The following ADGRV1 variants were observed in gnomAD, a reference collection of about 807,000 sequenced individuals.
ADGRV1 encodes the protein adhesion G protein-coupled receptor V1.
Under a neutral mutation model 596.2 loss-of-function variants are expected in ADGRV1, and 359 were observed. The ratio of observed to expected loss-of-function variants is 0.60; its 90% confidence interval spans 0.55 to 0.66. The LOEUF is 0.66. ADGRV1 is among the 30% of genes least tolerant of loss of function. ADGRV1 has a pLI of 0.00. For synonymous variants in ADGRV1, 2,681 were observed against 2,679.2 expected (o/e 1.00, Z -0.02); for missense variants, 7,274 against 7,575.6 (o/e 0.96, Z 1.48).
intron 83 of ADGRV1, among the ~76,000 whole-genome samples, chr5:90,874,552 T>C (rs1251815745): frequency 6.6e-6 from 1 of 151,996 alleles, no homozygotes; most frequent in Non-Finnish European, 1.5e-5. Context: ...TGGCTCATAC[T>C]AGATTTTCAA....
At chr5:90,946,778 C>T (rs755740421) in intron 83 of ADGRV1, among the ~76,000 whole-genome samples, 18 of 151,968 alleles carry the variant, frequency 1.2e-4, no homozygotes, top group East Asian at 1.9e-4. Context: ...TCCATGTCCC[C>T]GAAAAGGACA....
intron 87 of ADGRV1, among the ~76,000 whole-genome samples, chr5:91,121,695 T>C (rs1313974182): frequency 6.6e-6 from 1 of 152,126 alleles, no homozygotes; most frequent in Non-Finnish European, 1.5e-5. Flanking sequence ...TTCCTTTTTA[T>C]AATGGATTTT....
At chr5:91,126,369 A>G (rs1219876020) in intron 87 of ADGRV1, among the ~76,000 whole-genome samples, 1 of 152,252 alleles carries the variant, frequency 6.6e-6, no homozygotes, top group African/African-American at 2.4e-5. Context: ...TTCTACCAAA[A>G]CAATGTTTAC....
rs370645005 is a variant in ADGRV1, at chr5:90,998,621, G to A, written c.18152+13099G>A. ...TATATAGGTATCTTTGTACACTTAT[G>A]TTAATATTTTTATAGGGAAAATTTC... On this transcript the variant is annotated intron_variant, in intron 85 of 89. Transcript: ENST00000405460. Among the ~76,000 whole-genome samples the A allele has an allele frequency of 2.6e-4, 40 of 152,016 alleles. No homozygotes were observed. In the South Asian group the frequency reaches 4.1e-3, roughly 16 times the overall value.
intron 89 of ADGRV1, 63 bp from the exon 90 acceptor site, chr5:91,163,719 G>T: frequency 1.5e-6 from 1 of 658,870 alleles, no homozygotes; most frequent in South Asian, 2.0e-5. Context: ...AATGTAAATT[G>T]ATTCTTAAGA....
At chr5:91,142,423 G>A (rs1213143878) in intron 87 of ADGRV1, among the ~76,000 whole-genome samples, 2 of 152,148 alleles carry the variant, frequency 1.3e-5, no homozygotes, top group South Asian at 2.1e-4. Flanking sequence ...TCATTCCTCT[G>A]AGTCCCTCAT....
At position 90,626,642 on chromosome 5, in the gene ADGRV1, AAC is replaced by A. The variant is rs1407257603; in HGVS notation, c.673-567_673-566del. ...AAATGAAAAGCAAAAATTGCACTTTAACAGTGTCAGCATTTTTCCTAGTAGTG... is the reference window on the plus strand; with the variant it reads ...AAATGAAAAGCAAAAATTGCACTTTAAGTGTCAGCATTTTTCCTAGTAGTG... On this transcript the variant is annotated intron_variant, in intron 6 of 89. Transcript: ENST00000405460. 3 of 152,230 alleles carry A rather than the reference AAC, an allele frequency of 2.0e-5. No individual in the cohort carries two copies. In the East Asian group the frequency reaches 5.8e-4, roughly 29 times the overall value. 9.4% of individuals were successfully genotyped at this position (152,230 alleles called of 1,614,324 possible). A position where few individuals can be genotyped will look rare whatever the true frequency, so the allele number is the denominator to read the frequency against.
At chr5:90,660,862 T>C (rs185899262) in intron 21 of ADGRV1, among the ~76,000 whole-genome samples, 15 of 152,304 alleles carry the variant, frequency 9.8e-5, no homozygotes, top group Admixed American at 9.2e-4. Flanking sequence ...ATATGTAGAC[T>C]CTGACATAGC....
Position 90,791,353 on chromosome 5 carries a change from G to A in ADGRV1, c.14517+7G>A. 1.3e-6 allele frequency: 2 copies of A among 1,534,952 alleles called. No homozygotes were observed. Among genetic ancestry groups the A allele is most frequent in the African/African-American group, 2.7e-5 (2 of 72,974 alleles). ...GGTGCCAATAAAGAATCAGGTTTGTGGCATTTCTTCAGTTTCCTGATCATT... is the reference window on the plus strand; with the variant it reads ...GGTGCCAATAAAGAATCAGGTTTGTAGCATTTCTTCAGTTTCCTGATCATT... On this transcript the variant is annotated splice_region_variant and intron_variant, in intron 70 of 89. Coordinates refer to ENST00000405460, the MANE Select transcript of ADGRV1 (RefSeq NM_032119.4).
At chr5:90,802,052 C>T (rs1353846774) in intron 70 of ADGRV1, among the ~76,000 whole-genome samples, 1 of 152,104 alleles carries the variant, frequency 6.6e-6, no homozygotes, top group Non-Finnish European at 1.5e-5. Flanking sequence ...GTGAGTTTTG[C>T]CAAGTTTATA....
intron 60 of ADGRV1, among the ~76,000 whole-genome samples, chr5:90,774,573 A>C (rs1024011879): frequency 6.6e-6 from 1 of 152,156 alleles, no homozygotes; most frequent in African/African-American, 2.4e-5. Context: ...GTGTTTATAA[A>C]ATGTAAAATA....
At chr5:90,587,705 G>A (rs1235449838) in intron 1 of ADGRV1, among the ~76,000 whole-genome samples, 11 of 151,692 alleles carry the variant, frequency 7.3e-5, no homozygotes, top group Admixed American at 4.6e-4. Flanking sequence ...CTACAGGTGC[G>A]CGCCACCATG....
intron 1 of ADGRV1, among the ~76,000 whole-genome samples, chr5:90,614,067 T>A (rs1265524299): frequency 6.6e-6 from 1 of 151,284 alleles, no homozygotes; most frequent in East Asian, 1.9e-4. Context: ...AGGAGACCAC[T>A]GCACTGTTGT....
intron 2 of ADGRV1, among the ~76,000 whole-genome samples, chr5:90,615,913 C>T (rs1192951867): frequency 6.6e-6 from 1 of 151,818 alleles, no homozygotes; most frequent in East Asian, 1.9e-4. Flanking sequence ...TCTTCCTTTT[C>T]ATTGTGGTTG....
At chr5:91,044,751 T>C (rs149539388) in intron 85 of ADGRV1, among the ~76,000 whole-genome samples, 1 of 152,306 alleles carries the variant, frequency 6.6e-6, no homozygotes, top group African/African-American at 2.4e-5. Context: ...ACTTTAAAGA[T>C]AAAAGAATAA....
At chr5:90,628,220 C>CAAAATAAAATAAAATAAAAT (rs70999498) in intron 7 of ADGRV1, among the ~76,000 whole-genome samples, 6,817 of 129,474 alleles carry the variant, frequency 0.053, 604 homozygotes, top group African/African-American at 0.17. Flanking sequence ...ACCCCGCCCA[C>CAAAATAAAATAAAATAAAAT]AAAATAAAAT....
chr5:90,654,090 C>T, intron 20 of ADGRV1, 138 bp downstream of exon 20: 6 of 852,280 alleles, frequency 7.0e-6, no homozygotes, highest in Non-Finnish European at 9.2e-6. Flanking sequence ...TTAATCAAAA[C>T]TATGTGCCTA....
intron 83 of ADGRV1, among the ~76,000 whole-genome samples, chr5:90,865,850 A>G (rs1239466711): frequency 6.6e-6 from 1 of 152,116 alleles, no homozygotes; most frequent in Non-Finnish European, 1.5e-5. Context: ...TCTAAATTTT[A>G]AAGTCATGTT....
At chr5:90,838,327 C>A (rs78489272) in intron 77 of ADGRV1, among the ~76,000 whole-genome samples, 16 of 152,024 alleles carry the variant, frequency 1.1e-4, no homozygotes, top group Non-Finnish European at 1.9e-4. Context: ...TAATAACACA[C>A]CTTCCTGCTC....
Sources: gnomAD v4.1 joint callset for allele counts (sites outside exome capture counted in the v4.1 genomes callset) on GRCh38, gnomAD v4.1.1 for gene constraint, MANE v1.5 for transcripts, NCBI Gene and HGNC (gene_info 2026-07-23, HGNC 2026-07-21) for gene names.